Variants in ITGBL1 observed in about 807,000 individuals in gnomAD.
The protein encoded by ITGBL1 is integrin beta-like protein 1.
In ITGBL1, 51 loss-of-function variants were observed where a neutral mutation model predicts 68.5. The ratio of observed to expected loss-of-function variants is 0.74; its 90% CI spans 0.59 to 0.94. The LOEUF is 0.94. Among genes scored for constraint, ITGBL1 ranks in the 40% least tolerant of loss-of-function variants. The pLI is 0.00. For missense variants in ITGBL1, 649 were observed against 647.4 expected (o/e 1.00, Z -0.03); for synonymous variants, 209 against 227.3 (o/e 0.92, Z 0.72).
chr13:101,453,193 C>T (rs2048188261), intron 1 of ITGBL1, among the ~76,000 whole-genome samples: 1 of 152,112 alleles, frequency 6.6e-6, no homozygotes, highest in Non-Finnish European at 1.5e-5. Flanking sequence ...GGAGGAATTC[C>T]TGCTGTGAGT....
chr13:101,714,542 A>G lies in ITGBL1; in HGVS notation c.1384A>G (p.Ile462Val), dbSNP rs776341448. Residue 462 changes from isoleucine to valine, a missense_variant, in exon 10 of 11, where the codon ATT becomes GTT. Transcript: ENST00000376180. ...DRDCDKHDGL[I>V]CTGNGICSCG... Reference sequence around the variant, plus strand: ...AGACTGCGACAAACATGATGGTCTCATTTGTACAGGTGCAGTATTAACCTT... The same window carrying G: ...AGACTGCGACAAACATGATGGTCTCGTTTGTACAGGTGCAGTATTAACCTT... 4 of 1,587,656 alleles carry G rather than the reference A, an allele frequency of 2.5e-6. No individual in the cohort carries two copies. The South Asian group carries it at 4.4e-5, about 18-fold the overall frequency.
At chr13:101,604,472 C>T (rs2030572465) in intron 7 of ITGBL1, among the ~76,000 whole-genome samples, 1 of 151,686 alleles carries the variant, frequency 6.6e-6, no homozygotes, top group African/African-American at 2.4e-5. Flanking sequence ...TAAGCTTCAT[C>T]AGTTTCCTTA....
chr13:101,574,261 T>C lies in ITGBL1; in HGVS notation c.464-1163T>C, dbSNP rs1194420924. ...CATGCCACTTTTCATGCTGTTCTCA[T>C]GTGGTGTTTTTCCTTCACTTCCCCT... On this transcript the variant is annotated intron_variant, in intron 3 of 10. Transcript: ENST00000376180. Among the ~76,000 whole-genome samples the C allele has an allele frequency of 2.7e-4, 4 of 14,666 alleles. No homozygotes were observed. In the East Asian group the frequency reaches 7.5e-3, roughly 27 times the overall value. 9.6% of individuals were successfully genotyped at this position (14,666 alleles called of 152,430 possible). A position where few individuals can be genotyped will look rare whatever the true frequency, so the allele number is the denominator to read the frequency against.
chr13:101,649,517 A>G (rs2032673839), intron 7 of ITGBL1, among the ~76,000 whole-genome samples: 1 of 152,190 alleles, frequency 6.6e-6, no homozygotes, highest in South Asian at 2.1e-4. Flanking sequence ...AGATTTTTAA[A>G]AATATTGTCA....
chr13:101,462,758 T>C lies in ITGBL1; in HGVS notation c.316+8658T>C, dbSNP rs186373344. Reference sequence around the variant, plus strand: ...CCCCCACACCTGGCTAATTTTTGTATGTTTAGTAGAGACAGGGCTTCACCA... The same window carrying C: ...CCCCCACACCTGGCTAATTTTTGTACGTTTAGTAGAGACAGGGCTTCACCA... On this transcript the variant is annotated intron_variant, in intron 2 of 10. Coordinates refer to ENST00000376180, the MANE Select transcript of ITGBL1 (RefSeq NM_004791.3). 1.1e-4 allele frequency among the ~76,000 whole-genome samples: 16 copies of C among 152,266 alleles called. No individual in the cohort carries two copies. The East Asian group carries it at 3.1e-3, about 29-fold the overall frequency.
chr13:101,575,593 T>C (rs199651745), intron 4 of ITGBL1, 47 bp downstream of exon 4: 6 of 1,573,430 alleles, frequency 3.8e-6, no homozygotes, highest in Admixed American at 3.4e-5. Context: ...CCTGTTTTTT[T>C]CACCTATTTC....
intron 2 of ITGBL1, among the ~76,000 whole-genome samples, chr13:101,535,762 A>T (rs560397711): frequency 6.6e-6 from 1 of 152,174 alleles, no homozygotes; most frequent in South Asian, 2.1e-4. Flanking sequence ...GATTCCAAAA[A>T]CTTTTGCGAA....
intron 7 of ITGBL1, among the ~76,000 whole-genome samples, chr13:101,643,941 C>T (rs2032473862): frequency 6.6e-6 from 1 of 152,166 alleles, no homozygotes; most frequent in African/African-American, 2.4e-5. Flanking sequence ...ACTGGCGGTC[C>T]TCCAGAGTGG....
At chr13:101,495,284 G>A (rs2048840296) in intron 2 of ITGBL1, among the ~76,000 whole-genome samples, 1 of 152,174 alleles carries the variant, frequency 6.6e-6, no homozygotes, top group Admixed American at 6.5e-5. Context: ...TGGAAGTGAT[G>A]GAAATGGTGG....
At chr13:101,575,680 A>AAAAAAGACTG in intron 4 of ITGBL1, 134 bp downstream of exon 4, 1 of 870,690 alleles carries the variant, frequency 1.1e-6, no homozygotes. Context: ...TCTGGAAAAC[A>AAAAAAGACTG]TTTCACATAA....
chr13:101,655,788 T>C (rs1362361087), intron 7 of ITGBL1, among the ~76,000 whole-genome samples: 2 of 152,182 alleles, frequency 1.3e-5, no homozygotes, highest in Non-Finnish European at 2.9e-5. Flanking sequence ...TTGCCACAAG[T>C]GATAATTGGC....
At chr13:101,475,106 G>A (rs2048516690) in intron 2 of ITGBL1, among the ~76,000 whole-genome samples, 1 of 152,120 alleles carries the variant, frequency 6.6e-6, no homozygotes, top group South Asian at 2.1e-4. Flanking sequence ...AGGCACCAGG[G>A]ACCAATCCTG....
chr13:101,661,973 C>T (rs1020631300), intron 7 of ITGBL1, among the ~76,000 whole-genome samples: 1 of 152,088 alleles, frequency 6.6e-6, no homozygotes, highest in East Asian at 1.9e-4. Context: ...GTATTTAAGC[C>T]AAAGATAATT....
intron 7 of ITGBL1, among the ~76,000 whole-genome samples, chr13:101,653,858 TTTTTG>T (rs1470990475): frequency 1.5e-5 from 1 of 67,136 alleles, no homozygotes; most frequent in African/African-American, 5.2e-5. Context: ...CCAGCTACTT[TTTTTG>T]TTTTTTGTTT....
chr13:101,609,546 T>C (rs533157399), intron 7 of ITGBL1, among the ~76,000 whole-genome samples: 111 of 152,248 alleles, frequency 7.3e-4, no homozygotes, highest in African/African-American at 2.5e-3. Context: ...GAAGAGACGA[T>C]CTCATTCAGG....
chr13:101,680,747 T>G (rs763446176), intron 7 of ITGBL1, among the ~76,000 whole-genome samples: 3 of 152,164 alleles, frequency 2.0e-5, no homozygotes, highest in Non-Finnish European at 2.9e-5. Flanking sequence ...GTGCTATGGG[T>G]ATTATTTTTA....
At chr13:101,656,060 A>T (rs889895675) in intron 7 of ITGBL1, among the ~76,000 whole-genome samples, 1 of 151,830 alleles carries the variant, frequency 6.6e-6, no homozygotes, top group Admixed American at 6.6e-5. Context: ...GAGGTGGGGG[A>T]GGGGGGCTTC....
rs937303000 is a variant in ITGBL1, at chr13:101,687,412, A to G, written c.1016-5173A>G. Among the ~76,000 whole-genome samples the G allele has an allele frequency of 4.6e-5, 7 of 152,136 alleles. No individual in the cohort carries two copies. The East Asian group carries it at 1.4e-3, about 29-fold the overall frequency. ...ATGATTGTGGGAAAATATAAATTTAAAGAGATTTAAATTAAGAGTTTTTAT... is the reference window on the plus strand; with the variant it reads ...ATGATTGTGGGAAAATATAAATTTAGAGAGATTTAAATTAAGAGTTTTTAT... On this transcript the variant is annotated intron_variant, in intron 7 of 10. Transcript: ENST00000376180.
At chr13:101,605,532 A>G (rs2030748119) in intron 7 of ITGBL1, among the ~76,000 whole-genome samples, 1 of 151,050 alleles carries the variant, frequency 6.6e-6, no homozygotes, top group African/African-American at 2.4e-5. Context: ...ACATATGTAT[A>G]TGCGTATATA....
Sources: gnomAD v4.1 joint callset for allele counts (sites outside exome capture counted in the v4.1 genomes callset) on GRCh38, gnomAD v4.1.1 for gene constraint, MANE v1.5 for transcripts, NCBI Gene and HGNC (gene_info 2026-07-23, HGNC 2026-07-21) for gene names.